NKAIN2: variants seen among roughly 807,000 people sequenced by gnomAD.
NKAIN2 encodes the protein sodium/potassium-transporting ATPase subunit beta-1-interacting protein 2.
In NKAIN2, 14 loss-of-function variants were observed where a neutral mutation model predicts 32.6. The ratio of observed to expected loss-of-function variants is 0.43; its 90% CI spans 0.28 to 0.67. NKAIN2 has a LOEUF of 0.67. Among genes scored for constraint, NKAIN2 ranks in the 30% least tolerant of loss-of-function variants. NKAIN2 has a pLI of 0.17. For synonymous variants in NKAIN2, 80 were observed against 87.2 expected (o/e 0.92, Z 0.46); for missense variants, 198 against 258.3 (o/e 0.77, Z 1.60).
At chr6:124,371,781 G>A (rs1009719071) in intron 3 of NKAIN2, among the ~76,000 whole-genome samples, 2 of 151,092 alleles carry the variant, frequency 1.3e-5, no homozygotes, top group African/African-American at 2.4e-5. Flanking sequence ...CTTTTATAAA[G>A]GTAAAAAAAA....
Position 124,415,878 on chromosome 6 carries a change from C to CTTTTTTTTTTTTTTTTTTTTTTTTGTTT in NKAIN2, c.273+60548_273+60549insTTTTTTTGTTTTTTTTTTTTTTTTTTTT. Among the ~76,000 whole-genome samples, 2 of 72,588 alleles carry CTTTTTTTTTTTTTTTTTTTTTTTTGTTT rather than the reference C, an allele frequency of 2.8e-5. 1 individual carries two copies. Among genetic ancestry groups the CTTTTTTTTTTTTTTTTTTTTTTTTGTTT allele is most frequent in the Non-Finnish European group, 5.2e-5 (2 of 38,446 alleles). 47.6% of individuals were successfully genotyped at this position (72,588 alleles called of 152,430 possible). On this transcript the variant is annotated intron_variant, in intron 3 of 6. Transcript: ENST00000368417. ...TTTTTTAATTTGCTTTTTTTATTTGCTTTTTTTTTTTTTTTTTGCTAATTT... is the reference window on the plus strand; with the variant it reads ...TTTTTTAATTTGCTTTTTTTATTTGCTTTTTTTTTTTTTTTTTTTTTTTTGTTTTTTTTTTTTTTTTTTTTGCTAATTT...
intron 3 of NKAIN2, among the ~76,000 whole-genome samples, chr6:124,359,950 A>G (rs929246401): frequency 2.6e-5 from 4 of 152,110 alleles, no homozygotes; most frequent in Non-Finnish European, 1.5e-5. Context: ...ATGTCCCATC[A>G]ATACCTAATT....
intron 3 of NKAIN2, among the ~76,000 whole-genome samples, chr6:124,458,813 T>C (rs62437475): frequency 0.022 from 3,376 of 151,920 alleles, 80 homozygotes; most frequent in Non-Finnish European, 0.032. Flanking sequence ...TGTGTAAACT[T>C]GACCTTTCCC....
At chr6:124,180,597 TCATG>T (rs772602540) in intron 1 of NKAIN2, among the ~76,000 whole-genome samples, 2 of 152,184 alleles carry the variant, frequency 1.3e-5, no homozygotes, top group Non-Finnish European at 2.9e-5. Context: ...TCAAAACCAA[TCATG>T]CCTTCCCAGC....
At chr6:124,331,747 C>T (rs992112543) in intron 2 of NKAIN2, among the ~76,000 whole-genome samples, 1 of 152,064 alleles carries the variant, frequency 6.6e-6, no homozygotes, top group East Asian at 1.9e-4. Context: ...ACTAAGAAGC[C>T]TCATACATAG....
At chr6:124,792,142 T>C (rs1779773691) in intron 5 of NKAIN2, among the ~76,000 whole-genome samples, 1 of 152,140 alleles carries the variant, frequency 6.6e-6, no homozygotes, top group Non-Finnish European at 1.5e-5. Context: ...TCATGAATAA[T>C]TGCCTATATA....
chr6:124,712,398 C>T lies in NKAIN2; in HGVS notation c.474+54012C>T, dbSNP rs370936240. Among the ~76,000 whole-genome samples the T allele has an allele frequency of 6.3e-4, 73 of 116,012 alleles. 17 individuals are homozygous for T. The highest frequency in any genetic ancestry group is 3.5e-3 in the South Asian group (13 of 3,726). 76.1% of individuals were successfully genotyped at this position (116,012 alleles called of 152,430 possible). ...TTACCTAATCAAGCCTGGGCAATGG[C>T]GGGCGCCCCTCCCCCAGGCTCGCTG... On this transcript the variant is annotated intron_variant, in intron 4 of 6. Coordinates refer to ENST00000368417, the MANE Select transcript of NKAIN2 (RefSeq NM_001040214.3).
intron 2 of NKAIN2, among the ~76,000 whole-genome samples, chr6:124,299,574 T>TA (rs975398908): frequency 2.0e-5 from 3 of 152,178 alleles, no homozygotes; most frequent in East Asian, 1.9e-4. Flanking sequence ...TTTGACATGA[T>TA]AAAAAAATGT....
chr6:124,499,167 T>C (rs1230692377), intron 3 of NKAIN2, among the ~76,000 whole-genome samples: 1 of 152,190 alleles, frequency 6.6e-6, no homozygotes, highest in East Asian at 1.9e-4. Context: ...TTAATTTAGG[T>C]GTAATATTTT....
At chr6:123,932,962 A>C (rs973499996) in intron 1 of NKAIN2, among the ~76,000 whole-genome samples, 1 of 151,714 alleles carries the variant, frequency 6.6e-6, no homozygotes, top group African/African-American at 2.4e-5. Flanking sequence ...TATTTTACTT[A>C]CTTCCATCAG....
At chr6:124,058,638 A>G (rs918108751) in intron 1 of NKAIN2, among the ~76,000 whole-genome samples, 5 of 152,142 alleles carry the variant, frequency 3.3e-5, no homozygotes, top group African/African-American at 1.2e-4. Flanking sequence ...GTGGTCAGAA[A>G]ACAACAACTG....
intron 3 of NKAIN2, among the ~76,000 whole-genome samples, chr6:124,481,425 T>C (rs959337309): frequency 9.9e-5 from 15 of 152,004 alleles, no homozygotes; most frequent in African/African-American, 3.6e-4. Flanking sequence ...CTCTACAAAA[T>C]TGTCAGTTAA....
At chr6:124,575,070 C>T (rs993277009) in intron 3 of NKAIN2, among the ~76,000 whole-genome samples, 10 of 152,140 alleles carry the variant, frequency 6.6e-5, no homozygotes, top group Non-Finnish European at 1.5e-4. Flanking sequence ...GTTTAAATCA[C>T]CTGTAGTTAA....
intron 4 of NKAIN2, among the ~76,000 whole-genome samples, chr6:124,746,052 C>T (rs904518885): frequency 4.0e-5 from 6 of 151,748 alleles, no homozygotes; most frequent in Non-Finnish European, 8.8e-5. Flanking sequence ...TGGGAATAAA[C>T]CACACTTTTC....
Position 124,615,232 on chromosome 6 carries a change from AG to A in NKAIN2, c.274-42953del, listed in dbSNP as rs199707790. On this transcript the variant is annotated intron_variant, in intron 3 of 6. Coordinates refer to ENST00000368417, the MANE Select transcript of NKAIN2 (RefSeq NM_001040214.3). Reference sequence around the variant, plus strand: ...ATAAAATAGATACCATGTGTATTTTAGTTACACATGTTACAAGCCTCAAAAC... The same window carrying A: ...ATAAAATAGATACCATGTGTATTTTATTACACATGTTACAAGCCTCAAAAC... Among the ~76,000 whole-genome samples the A allele has an allele frequency of 7.9e-4, 120 of 152,328 alleles. 1 individual carries two copies. The East Asian group carries it at 0.021, about 27-fold the overall frequency.
intron 1 of NKAIN2, among the ~76,000 whole-genome samples, chr6:124,084,954 G>A (rs189715394): frequency 2.0e-5 from 3 of 151,984 alleles, no homozygotes; most frequent in Non-Finnish European, 4.4e-5. Flanking sequence ...ATGCTGTAAT[G>A]ATATTTACTC....
At chr6:124,414,839 AC>A (rs1774385650) in intron 3 of NKAIN2, among the ~76,000 whole-genome samples, 1 of 152,090 alleles carries the variant, frequency 6.6e-6, no homozygotes, top group Admixed American at 6.6e-5. Flanking sequence ...CAGTGAAGCT[AC>A]CCTCTTATTT....
At chr6:124,248,770 A>C (rs1413517322) in intron 1 of NKAIN2, among the ~76,000 whole-genome samples, 5 of 152,156 alleles carry the variant, frequency 3.3e-5, no homozygotes, top group South Asian at 4.1e-4. Context: ...TATACAAGGC[A>C]TGCTTCTTGT....
chr6:124,305,544 A>T (rs528770899), intron 2 of NKAIN2, among the ~76,000 whole-genome samples: 1 of 152,290 alleles, frequency 6.6e-6, no homozygotes, highest in Non-Finnish European at 1.5e-5. Flanking sequence ...AATAAATAAA[A>T]TCTAATGAAT....
Sources: gnomAD v4.1 joint callset for allele counts (sites outside exome capture counted in the v4.1 genomes callset) on GRCh38, gnomAD v4.1.1 for gene constraint, MANE v1.5 for transcripts, NCBI Gene and HGNC (gene_info 2026-07-23, HGNC 2026-07-21) for gene names.